Variants in TTC29 observed in about 807,000 individuals in gnomAD.
The protein encoded by TTC29 is tetratricopeptide repeat protein 29.
A neutral mutation model predicts 58.1 loss-of-function variants in TTC29; 49 were observed. The observed-to-expected ratio is 0.84, with a 90% CI of 0.67 to 1.07. TTC29 has a LOEUF of 1.07. Among genes scored for constraint, TTC29 ranks in the 50% least tolerant of loss-of-function variants. TTC29 has a pLI of 0.00. For missense variants in TTC29, 582 were observed against 555.6 expected, an observed-to-expected ratio of 1.05 and a Z score of -0.48; for synonymous variants, 209 against 196.8, an observed-to-expected ratio of 1.06 and a Z score of -0.52.
chr4:146,746,480 C>T (rs908851591), intron 11 of TTC29, among the ~76,000 whole-genome samples: 1 of 152,038 alleles, frequency 6.6e-6, no homozygotes, highest in Admixed American at 6.6e-5. Flanking sequence ...GATGGTGAAC[C>T]CTAAATTCAG....
At chr4:146,922,777 A>T (rs1734681137) in intron 4 of TTC29, among the ~76,000 whole-genome samples, 1 of 151,868 alleles carries the variant, frequency 6.6e-6, no homozygotes, top group African/African-American at 2.4e-5. Flanking sequence ...TCCCTCCAAG[A>T]TACAGAGAAT....
chr4:146,728,827 A>G (rs147257647), intron 11 of TTC29, among the ~76,000 whole-genome samples: 29,205 of 64,942 alleles, frequency 0.45, 9,881 homozygotes, highest in South Asian at 0.66. Flanking sequence ...GTATATATAC[A>G]TATATATACA....
chr4:146,721,653 C>G (rs1743365486), intron 11 of TTC29, among the ~76,000 whole-genome samples: 1 of 151,992 alleles, frequency 6.6e-6, no homozygotes, highest in African/African-American at 2.4e-5. Flanking sequence ...TGAGTTAACG[C>G]ATCTATTCTT....
intron 11 of TTC29, among the ~76,000 whole-genome samples, chr4:146,746,789 G>C (rs1579580364): frequency 6.6e-6 from 1 of 152,060 alleles, no homozygotes; most frequent in Admixed American, 6.5e-5. Flanking sequence ...TAGGGTTCTG[G>C]GAGAGTGATG....
At chr4:146,717,337 G>A (rs1048745022) in intron 11 of TTC29, among the ~76,000 whole-genome samples, 7 of 152,190 alleles carry the variant, frequency 4.6e-5, no homozygotes, top group Admixed American at 2.0e-4. Context: ...GAAGTACAGC[G>A]GCACAATCTC....
intron 3 of TTC29, among the ~76,000 whole-genome samples, chr4:146,939,463 A>C (rs1343087158): frequency 6.6e-6 from 1 of 152,144 alleles, no homozygotes; most frequent in East Asian, 1.9e-4. Flanking sequence ...TTAAAAAGAA[A>C]AAAGCTTTAC....
chr4:146,903,696 G>C lies in TTC29; in HGVS notation c.434C>G (p.Ala145Gly). The C allele has an allele frequency of 6.2e-7, 1 of 1,610,270 alleles. No homozygotes were observed. Reference sequence around the variant, plus strand: ...AGAATTATTGAAGTAACAGGCCAGAGCATACAAGTTATTATGTACATCTTC... The same window carrying C: ...AGAATTATTGAAGTAACAGGCCAGACCATACAAGTTATTATGTACATCTTC... ...SFEDVHNNLY[A>G]LACYFNNSED... is the part of the protein sequence containing the mutation. Residue 145 changes from alanine (A) to glycine (G), a missense_variant, in exon 6 of 13, where the codon GCT becomes GGT. Physicochemically the swap from Ala to Gly is moderately conservative, Grantham distance 60. Coordinates refer to ENST00000325106, the MANE Select transcript of TTC29 (RefSeq NM_031956.4).
At chr4:146,914,591 C>T (rs1453903089) in intron 4 of TTC29, among the ~76,000 whole-genome samples, 1 of 152,030 alleles carries the variant, frequency 6.6e-6, no homozygotes, top group African/African-American at 2.4e-5. Context: ...TTCACAGAAG[C>T]AAAAGTTGTC....
At chr4:146,939,689 C>G (rs1210274246) in intron 3 of TTC29, 115 bp downstream of exon 3, 8 of 936,676 alleles carry the variant, frequency 8.5e-6, no homozygotes, top group South Asian at 6.6e-5. Flanking sequence ...CTCAATATAA[C>G]AAGGCATTTT....
At chr4:146,707,388 A>G (rs1447233971) in intron 12 of TTC29, 97 bp downstream of exon 12, 2 of 911,354 alleles carry the variant, frequency 2.2e-6, no homozygotes, top group Non-Finnish European at 3.4e-6. Flanking sequence ...CAAGTGCTGG[A>G]TGAAGCTCCT....
chr4:146,856,077 T>C (rs911865864), intron 8 of TTC29, among the ~76,000 whole-genome samples: 11 of 152,062 alleles, frequency 7.2e-5, no homozygotes, highest in African/African-American at 2.4e-4. Flanking sequence ...CTTTAAGGAG[T>C]ATACATACAT....
rs74430680 is a variant in TTC29 at position 146,935,334 on chromosome 4, A to T, written c.176+2260T>A. Among the ~76,000 whole-genome samples, 1,291 of 152,310 alleles carry T rather than the reference A, an allele frequency of 8.5e-3. 3 individuals carry two copies. Among genetic ancestry groups the T allele is most frequent in the Middle Eastern group, 0.017 (5 of 294 alleles). ...TGGGATATCAAAGCCAGTGTACATCAATTGTATTAATGAGTATACACAAAT... is the reference window on the plus strand; with the variant it reads ...TGGGATATCAAAGCCAGTGTACATCTATTGTATTAATGAGTATACACAAAT... On this transcript the variant is annotated intron_variant, in intron 4 of 12. Coordinates refer to ENST00000325106, the MANE Select transcript of TTC29 (RefSeq NM_031956.4).
intron 6 of TTC29, among the ~76,000 whole-genome samples, chr4:146,878,986 A>G (rs1450128409): frequency 6.6e-6 from 1 of 152,006 alleles, no homozygotes; most frequent in African/African-American, 2.4e-5. Context: ...CCATTTTCCC[A>G]CAGATGAGGT....
At chr4:146,917,679 TTTATA>T (rs933353713) in intron 4 of TTC29, among the ~76,000 whole-genome samples, 95 of 145,494 alleles carry the variant, frequency 6.5e-4, no homozygotes, top group Admixed American at 4.4e-3. Context: ...TTATATAAAT[TTTATA>T]TTATATTACT....
intron 10 of TTC29, among the ~76,000 whole-genome samples, chr4:146,817,207 T>G (rs191163702): frequency 6.6e-6 from 1 of 152,200 alleles, no homozygotes; most frequent in Non-Finnish European, 1.5e-5. Context: ...CAAAATCTCC[T>G]TAAGCTGATA....
At chr4:146,745,692 T>C (rs951470167) in intron 11 of TTC29, among the ~76,000 whole-genome samples, 6 of 152,236 alleles carry the variant, frequency 3.9e-5, no homozygotes, top group African/African-American at 1.4e-4. Context: ...ACTAATGTGC[T>C]CTTCTGACCA....
intron 4 of TTC29, among the ~76,000 whole-genome samples, chr4:146,923,021 T>C (rs1441200209): frequency 6.6e-6 from 1 of 151,810 alleles, no homozygotes; most frequent in Non-Finnish European, 1.5e-5. Flanking sequence ...AAATTTTCAA[T>C]ACTAAGAAAT....
intron 10 of TTC29, among the ~76,000 whole-genome samples, chr4:146,809,018 GGT>G (rs1750824486): frequency 6.6e-6 from 1 of 150,634 alleles, no homozygotes; most frequent in African/African-American, 2.4e-5. Flanking sequence ...AAAACAGCAT[GGT>G]ACTGGTACCA....
intron 11 of TTC29, among the ~76,000 whole-genome samples, chr4:146,773,920 A>T (rs1747906294): frequency 6.6e-6 from 1 of 151,880 alleles, no homozygotes; most frequent in South Asian, 2.1e-4. Context: ...TCAGTTTTAG[A>T]ACCTCTGATT....
Sources: allele counts gnomAD v4.1 joint callset (sites outside exome capture counted in the v4.1 genomes callset), GRCh38; gene constraint gnomAD v4.1.1; transcripts MANE v1.5; gene names NCBI Gene and HGNC (gene_info 2026-07-23, HGNC 2026-07-21).